Variants in ANKK1 observed in about 807,000 individuals in gnomAD.
The protein encoded by ANKK1 is ankyrin repeat and protein kinase domain-containing protein 1.
ANKK1 carries 37 observed loss-of-function variants against 37.6 expected under a neutral mutation model. The observed-to-expected ratio is 0.98, with a 90% CI of 0.76 to 1.29. ANKK1 has a LOEUF of 1.29. ANKK1 is among the 50% of genes most tolerant of loss of function. The probability of loss-of-function intolerance (pLI) is 0.00; values close to 1 mark genes in which losing one functional copy is unlikely to be tolerated. For synonymous variants in ANKK1, 415 were observed against 418.7 expected (o/e 0.99, Z 0.11); for missense variants, 1,019 against 990.6 (o/e 1.03, Z -0.39).
At chr11:113,388,176 G>T (rs1591256369) in intron 1 of ANKK1, 107 bp downstream of exon 1, 2 of 1,343,096 alleles carry the variant, frequency 1.5e-6, no homozygotes, top group East Asian at 2.7e-5. Context: ...TGGGGCTGAG[G>T]ACTGTCCCCC....
At chr11:113,388,839 G>T (rs897422211) in intron 1 of ANKK1, among the ~76,000 whole-genome samples, 2 of 152,192 alleles carry the variant, frequency 1.3e-5, no homozygotes, top group Admixed American at 6.5e-5. Flanking sequence ...CTTGCACCTT[G>T]CAGCCATGAA....
Position 113,392,645 on chromosome 11 carries a change from C to A in ANKK1, c.186-836C>A, listed in dbSNP as rs189203413. 1.4e-4 allele frequency among the ~76,000 whole-genome samples: 22 copies of A among 152,350 alleles called. No homozygotes were observed. In the East Asian group the frequency reaches 4.1e-3, roughly 28 times the overall value. On this transcript the variant is annotated intron_variant, in intron 1 of 7. Transcript: ENST00000303941. ...ATATTTACTGTTCTGTGGGCACATA[C>A]AGTGAAATGAGCAACAGGGTTTGCA...
rs770440138 is a variant in ANKK1 at position 113,399,356 on chromosome 11, AC to A, written c.1391del (p.Pro464LeufsTer50). 4 of 1,599,950 alleles carry A rather than the reference AC, an allele frequency of 2.5e-6. No homozygotes were observed. The African/African-American group carries it at 4.0e-5, about 16-fold the overall frequency. On this transcript the variant is annotated frameshift_variant, in exon 8 of 8. Coordinates refer to ENST00000303941, the MANE Select transcript of ANKK1 (RefSeq NM_178510.2). LOFTEE classifies it low-confidence loss of function (END_TRUNC). ...GGATGCCCAGGAACGTGAAGGGTGG[AC>A]CCCTCTTCACCTGGCTGCACAGAAT... is the stretch of plus-strand genomic sequence containing the variant. ...CVDAQEREGWTPLHLAAQNNF... is the reference protein window; with the variant it reads ...CVDAQEREGWXPLHLAAQNNF...
rs749026743 is a variant in ANKK1, at chr11:113,394,966, C to A, written c.518C>A (p.Ser173Tyr). The A allele has an allele frequency of 1.2e-6, 2 of 1,613,416 alleles. No individual in the cohort carries two copies. Among genetic ancestry groups the A allele is most frequent in the East Asian group, 2.2e-5 (1 of 44,872 alleles). The change falls in exon 3 of 8, where the codon TCC becomes TAC. Residue 173 changes from serine to tyrosine, a missense_variant. Transcript: ENST00000303941. The stretch of plus-strand genomic sequence containing the variant: ...GGCCTGTCCAAGTGGATGGAACAGT[C>A]CACCCGGATGCAGTACATCGAGAGG... ...DFGLSKWMEQSTRMQYIERSA... is the reference protein window; with the variant it reads ...DFGLSKWMEQYTRMQYIERSA...
Position 113,400,142 on chromosome 11 carries a change from A to G in ANKK1, c.2173A>G (p.Ser725Gly), listed in dbSNP as rs374980288. 1.7e-5 allele frequency: 28 copies of G among 1,607,150 alleles called. No homozygotes were observed. In the African/African-American group the frequency reaches 3.5e-4, roughly 20 times the overall value. The change falls in exon 8 of 8, where the codon AGC becomes GGC. Residue 725 changes from serine (S) to glycine (G), a missense_variant. Ser to Gly is a moderately conservative substitution (Grantham distance 56). Coordinates refer to ENST00000303941, the MANE Select transcript of ANKK1 (RefSeq NM_178510.2). ...GAQLDVQDGV[S>G]CTPLQLALRS... is the part of the protein sequence containing the mutation. ...CCAGCTGGACGTCCAGGATGGAGTGAGCTGCACACCCCTGCAACTGGCCCT... is the reference window on the plus strand; with the variant it reads ...CCAGCTGGACGTCCAGGATGGAGTGGGCTGCACACCCCTGCAACTGGCCCT...
rs760355089 is a variant in ANKK1 at position 113,387,995 on chromosome 11, C to T, written c.111C>T (p.Phe37=). The T allele has an allele frequency of 1.3e-6, 2 of 1,570,466 alleles. No individual in the cohort carries two copies. Among genetic ancestry groups the T allele is most frequent in the Middle Eastern group, 1.7e-4 (1 of 5,952 alleles). ...LVASGGFSQV[F]QARHRRWRTE... is the part of the protein sequence containing the mutation. ...CCAGCGGCGGCTTCAGCCAGGTGTT[C>T]CAGGCGCGGCACAGGCGCTGGCGGA... The change falls in exon 1 of 8, where the codon TTC becomes TTT. Residue 37 remains phenylalanine (F), a synonymous_variant. Transcript: ENST00000303941.
chr11:113,400,329 G>C lies in ANKK1; in HGVS notation c.*62G>C. On this transcript the variant is annotated 3_prime_UTR_variant, in exon 8 of 8. Transcript: ENST00000303941. Reference sequence around the variant, plus strand: ...CCCAGCACTTTGGGAGGCTGAGGCAGGCAGATCACCTGATATCAAGAGTTT... The same window carrying C: ...CCCAGCACTTTGGGAGGCTGAGGCACGCAGATCACCTGATATCAAGAGTTT... 1.4e-6 allele frequency: 2 copies of C among 1,428,772 alleles called. No individual in the cohort carries two copies. Among genetic ancestry groups the C allele is most frequent in the Non-Finnish European group, 9.3e-7 (1 of 1,071,444 alleles). 88.5% of individuals were successfully genotyped at this position (1,428,772 alleles called of 1,614,324 possible).
intron 7 of ANKK1, among the ~76,000 whole-genome samples, chr11:113,398,314 T>TAAAAAAAAAAA (rs10585601): frequency 7.8e-6 from 1 of 128,186 alleles, no homozygotes. Flanking sequence ...CTCGGGAAAT[T>TAAAAAAAAAAA]AAAAAAAAAA....
chr11:113,396,285 C>G, intron 5 of ANKK1, 63 bp downstream of exon 5: 1 of 1,586,234 alleles, frequency 6.3e-7, no homozygotes, highest in Non-Finnish European at 8.6e-7. Flanking sequence ...GGGGAGATGA[C>G]TGGGCACTCC....
Position 113,399,492 on chromosome 11 carries a change from G to A in ANKK1, c.1523G>A (p.Ser508Asn), listed in dbSNP as rs1442735005. 2.5e-6 allele frequency: 4 copies of A among 1,591,664 alleles called. No individual in the cohort carries two copies. The highest frequency in any genetic ancestry group is 2.6e-6 in the Non-Finnish European group (3 of 1,169,584). ...LHVAAYFGHV[S>N]LVKLLTSQGA... ...GTGGCCGCCTACTTTGGCCATGTTA[G>A]CCTGGTCAAGCTGCTGACCAGCCAG... is the stretch of plus-strand genomic sequence containing the variant. Residue 508 changes from serine (S) to asparagine (N), a missense_variant, in exon 8 of 8, where the codon AGC becomes AAC. Coordinates refer to ENST00000303941, the MANE Select transcript of ANKK1 (RefSeq NM_178510.2).
At position 113,393,544 on chromosome 11, in the gene ANKK1, C is replaced by G; in HGVS notation, c.249C>G (p.Ile83Met). The G allele has an allele frequency of 1.2e-6, 2 of 1,613,958 alleles. No individual in the cohort carries two copies. Among genetic ancestry groups the G allele is most frequent in the Non-Finnish European group, 1.7e-6 (2 of 1,179,872 alleles). The change falls in exon 2 of 8, where the codon ATC becomes ATG. Residue 83 changes from isoleucine to methionine, a missense_variant. Ile to Met is a conservative substitution (Grantham distance 10, BLOSUM62 1). Transcript: ENST00000303941. ...TGAAGAAGATCAAGTTTCAGCACATCGTGTCTATCTACGGGGTGTGCAAGC... is the reference window on the plus strand; with the variant it reads ...TGAAGAAGATCAAGTTTCAGCACATGGTGTCTATCTACGGGGTGTGCAAGC... ...AKMKKIKFQH[I>M]VSIYGVCKQP... is the part of the protein sequence containing the mutation.
At position 113,399,607 on chromosome 11, in the gene ANKK1, G is replaced by T; in HGVS notation, c.1638G>T (p.Leu546=). The T allele has an allele frequency of 6.2e-7, 1 of 1,607,078 alleles. No homozygotes were observed. The highest frequency in any genetic ancestry group is 8.5e-7 in the Non-Finnish European group (1 of 1,176,994). The change falls in exon 8 of 8, where the codon CTG becomes CTT. Residue 546 remains leucine, a synonymous_variant. Transcript: ENST00000303941. ...ERGKVRAIQH[L]LKSGAVPDAL... is the part of the protein sequence containing the mutation. Reference sequence around the variant, plus strand: ...GCAAAGTGAGGGCCATCCAACACCTGCTGAAGAGTGGAGCGGTCCCTGATG... The same window carrying T: ...GCAAAGTGAGGGCCATCCAACACCTTCTGAAGAGTGGAGCGGTCCCTGATG...
rs1222753478 is a variant in ANKK1 at position 113,399,780 on chromosome 11, G to A, written c.1811G>A (p.Gly604Asp). The change falls in exon 8 of 8, where the codon GGC becomes GAC. Residue 604 changes from glycine to aspartate, a missense_variant. Coordinates refer to ENST00000303941, the MANE Select transcript of ANKK1 (RefSeq NM_178510.2). ...WTPLHLAAYK[G>D]HLEIIHLLAE... ...CCCCTGCATCTAGCAGCCTACAAGG[G>A]CCACCTGGAGATCATCCATCTGCTG... 2 of 1,603,162 alleles carry A rather than the reference G, an allele frequency of 1.2e-6. No individual in the cohort carries two copies. Among genetic ancestry groups the A allele is most frequent in the East Asian group, 2.3e-5 (1 of 44,264 alleles).
At chr11:113,388,599 G>A (rs1334530857) in intron 1 of ANKK1, among the ~76,000 whole-genome samples, 2 of 152,220 alleles carry the variant, frequency 1.3e-5, no homozygotes, top group Non-Finnish European at 2.9e-5. Flanking sequence ...GTCAGGGGAT[G>A]GAGACTGCCC....
intron 1 of ANKK1, among the ~76,000 whole-genome samples, chr11:113,389,189 G>A (rs566736297): frequency 3.3e-5 from 5 of 152,186 alleles, no homozygotes; most frequent in East Asian, 1.9e-4. Flanking sequence ...AATATAGAAC[G>A]AAAGGAAACA....
chr11:113,388,448 C>T (rs899045033), intron 1 of ANKK1, among the ~76,000 whole-genome samples: 2 of 152,188 alleles, frequency 1.3e-5, no homozygotes, highest in African/African-American at 2.4e-5. Context: ...CTGCCATCCT[C>T]CTACCCACCC....
At position 113,388,052 on chromosome 11, in the gene ANKK1, TCCACCCGACG is replaced by T; in HGVS notation, c.171_180del (p.Asp59AlafsTer4). 6.6e-7 allele frequency: 1 copy of T among 1,514,978 alleles called. No homozygotes were observed. The highest frequency in any genetic ancestry group is 8.9e-7 in the Non-Finnish European group (1 of 1,128,582). 93.8% of individuals were successfully genotyped at this position (1,514,978 alleles called of 1,614,324 possible). A position where few individuals can be genotyped will look rare whatever the true frequency, so the allele number is the denominator to read the frequency against. ...ACGCCATCAAGTGCGCCCCCTGCCT[TCCACCCGACG>T]CCGCCAGGTACTGCCAGCCTCGCCC... is the stretch of plus-strand genomic sequence containing the variant. On this transcript the variant is annotated frameshift_variant, in exon 1 of 8. Coordinates refer to ENST00000303941, the MANE Select transcript of ANKK1 (RefSeq NM_178510.2). LOFTEE classifies it high-confidence loss of function.
Position 113,399,526 on chromosome 11 carries a change from G to A in ANKK1, c.1557G>A (p.Glu519=), listed in dbSNP as rs1374701519. The change falls in exon 8 of 8, where the codon GAG becomes GAA. Residue 519 remains glutamate (E), a synonymous_variant. Coordinates refer to ENST00000303941, the MANE Select transcript of ANKK1 (RefSeq NM_178510.2). The stretch of plus-strand genomic sequence containing the variant: ...AGCTGCTGACCAGCCAGGGGGCTGA[G>A]TTGGATGCTCAGCAGAGAAACCTGA... ...LVKLLTSQGA[E]LDAQQRNLRT... is the part of the protein sequence containing the mutation. The A allele has an allele frequency of 3.1e-6, 5 of 1,596,502 alleles. No individual in the cohort carries two copies. The highest frequency in any genetic ancestry group is 2.6e-6 in the Non-Finnish European group (3 of 1,171,796).
At chr11:113,397,115 C>G in intron 5 of ANKK1, 109 bp from the exon 6 acceptor site, 1 of 894,022 alleles carries the variant, frequency 1.1e-6, no homozygotes, top group South Asian at 1.7e-5. Context: ...CATATGTGAG[C>G]CCAGGAATGG....
Sources: gnomAD v4.1 joint callset for allele counts (sites outside exome capture counted in the v4.1 genomes callset) on GRCh38, gnomAD v4.1.1 for gene constraint, MANE v1.5 for transcripts, NCBI Gene and HGNC (gene_info 2026-07-23, HGNC 2026-07-21) for gene names.